Variants in SH3BP5 observed in about 807,000 individuals in gnomAD.
The protein encoded by SH3BP5 is SH3 domain binding protein 5.
A neutral mutation model predicts 43.3 loss-of-function variants in SH3BP5; 22 were observed. The observed-to-expected ratio is 0.51, with a 90% confidence interval of 0.36 to 0.73. The LOEUF is 0.73. Among genes scored for constraint, SH3BP5 ranks in the 30% least tolerant of loss-of-function variants. The probability of loss-of-function intolerance (pLI) is 0.00; values close to 1 mark genes in which losing one functional copy is unlikely to be tolerated. For missense variants in SH3BP5, 529 were observed against 586.9 expected (o/e 0.90, Z 1.02); for synonymous variants, 255 against 225.8 (o/e 1.13, Z -1.16).
At chr3:15,328,662 C>T (rs149300038) in intron 2 of SH3BP5, among the ~76,000 whole-genome samples, 243 of 152,214 alleles carry the variant, frequency 1.6e-3, no homozygotes, top group South Asian at 0.012. Flanking sequence ...GTTGCCTGAA[C>T]CCAGGAGTTT....
chr3:15,260,850 G>A (rs907099095), intron 5 of SH3BP5, among the ~76,000 whole-genome samples: 2 of 152,144 alleles, frequency 1.3e-5, no homozygotes, highest in Admixed American at 6.5e-5. Flanking sequence ...CCAAGACTAC[G>A]ATCTATCCCT....
At chr3:15,336,425 G>A (rs9812546), upstream of SH3BP5, among the ~76,000 whole-genome samples, 25,694 of 152,138 alleles carry the variant, frequency 0.17, 2,238 homozygotes, top group Middle Eastern at 0.31. Flanking sequence ...GCTAGTGTAT[G>A]AGAAATTGAC....
chr3:15,296,747 G>A (rs989330126), intron 3 of SH3BP5, among the ~76,000 whole-genome samples: 3 of 133,932 alleles, frequency 2.2e-5, no homozygotes, highest in Admixed American at 7.9e-5. Flanking sequence ...AGACTAGAGC[G>A]CAGTGGTGCG....
chr3:15,309,475 T>C (rs1697995169), intron 2 of SH3BP5, among the ~76,000 whole-genome samples: 1 of 152,312 alleles, frequency 6.6e-6, no homozygotes, highest in South Asian at 2.1e-4. Flanking sequence ...CTCAAACTCC[T>C]GGGCTCAAGG....
chr3:15,272,557 G>GGAGATTCGAT lies in SH3BP5; in HGVS notation c.331-2681_331-2680insATCGAATCTC, dbSNP rs1559432604. Among the ~76,000 whole-genome samples the GGAGATTCGAT allele has an allele frequency of 1.7e-3, 169 of 101,934 alleles. 11 individuals carry two copies. The highest frequency in any genetic ancestry group is 6.2e-3 in the East Asian group (23 of 3,696). The allele number at this position is 101,934 out of a possible 152,430, so 66.9% of individuals were successfully genotyped here. A position where few individuals can be genotyped will look rare whatever the true frequency, so the allele number is the denominator to read the frequency against. ...GACATTACAAAACAGAGTGCCTGTA[G>GGAGATTCGAT]GATAAAGACATTACAAAACAGAGTG... is the stretch of plus-strand genomic sequence containing the variant. On this transcript the variant is annotated intron_variant, in intron 3 of 8. Transcript: ENST00000383791.
rs763682905 is a variant in SH3BP5 at position 15,255,122 on chromosome 3, TA to T, written c.*963del. 4.6e-5 allele frequency: 7 copies of T among 152,658 alleles called. No homozygotes were observed. The highest frequency in any genetic ancestry group is 5.9e-5 in the Non-Finnish European group (4 of 68,032). The allele number at this position is 152,658 out of a possible 1,614,324, so 9.5% of individuals were successfully genotyped here. A position where few individuals can be genotyped will look rare whatever the true frequency, so the allele number is the denominator to read the frequency against. On this transcript the variant is annotated 3_prime_UTR_variant, in exon 9 of 9. Transcript: ENST00000383791. ...GTTAAAGAAAAGCAGTCTTAACACT[TA>T]ACTACTATTAACAGCCTTTGCCAAC...
chr3:15,336,314 A>G (rs1353124312), upstream of SH3BP5, among the ~76,000 whole-genome samples: 1 of 152,088 alleles, frequency 6.6e-6, no homozygotes, highest in East Asian at 1.9e-4. Context: ...AGGGAGGGAG[A>G]TGAAATCAGA....
At chr3:15,286,442 A>C (rs1380126273) in intron 3 of SH3BP5, among the ~76,000 whole-genome samples, 1 of 152,262 alleles carries the variant, frequency 6.6e-6, no homozygotes, top group Admixed American at 6.5e-5. Context: ...AATGGAACTG[A>C]GAATGAAAAA....
At chr3:15,328,905 T>C (rs1018997863) in intron 2 of SH3BP5, among the ~76,000 whole-genome samples, 1 of 152,198 alleles carries the variant, frequency 6.6e-6, no homozygotes, top group Non-Finnish European at 1.5e-5. Context: ...CAGTGGCAAC[T>C]GGACTGTTTA....
At chr3:15,291,689 G>C (rs1407589796) in intron 3 of SH3BP5, among the ~76,000 whole-genome samples, 1 of 152,102 alleles carries the variant, frequency 6.6e-6, no homozygotes, top group Non-Finnish European at 1.5e-5. Flanking sequence ...CATGTGCAGA[G>C]GTTCCCACAG....
chr3:15,323,139 TAA>T (rs1698375851), intron 2 of SH3BP5, among the ~76,000 whole-genome samples: 1 of 150,808 alleles, frequency 6.6e-6, no homozygotes, highest in Non-Finnish European at 1.5e-5. Flanking sequence ...AATAAATAAA[TAA>T]ATAAATAAAT....
intron 3 of SH3BP5, among the ~76,000 whole-genome samples, chr3:15,283,438 G>C (rs796294107): frequency 5.1e-4 from 77 of 151,942 alleles, no homozygotes; most frequent in African/African-American, 1.8e-3. Context: ...AATGAGGGGA[G>C]GTAAACAGTC....
Position 15,295,863 on chromosome 3 carries a change from A to T in SH3BP5, c.330+8240T>A, listed in dbSNP as rs187162088. Among the ~76,000 whole-genome samples, 297 of 152,364 alleles carry T rather than the reference A, an allele frequency of 1.9e-3. 1 individual carries two copies. Among genetic ancestry groups the T allele is most frequent in the Middle Eastern group, 3.4e-3 (1 of 294 alleles). ...AGCATCATCATGAGGCTAAGAGCCA[A>T]AGAAGTTTATAGTCACATCACCCAG... On this transcript the variant is annotated intron_variant, in intron 3 of 8. Transcript: ENST00000383791.
At position 15,254,852 on chromosome 3, in the gene SH3BP5, C is replaced by G. The variant is rs2125030963; in HGVS notation, c.*1234G>C. 1 of 152,198 alleles carries G rather than the reference C, an allele frequency of 6.6e-6. No individual in the cohort carries two copies. The highest frequency in any genetic ancestry group is 1.5e-5 in the Non-Finnish European group (1 of 68,016). 9.4% of individuals were successfully genotyped at this position (152,198 alleles called of 1,614,324 possible). On this transcript the variant is annotated 3_prime_UTR_variant, in exon 9 of 9. Transcript: ENST00000383791. ...TATTTGAAGTCACAGAAAGGAGAAA[C>G]TTTTCTCAAGCCGTTTTTATTACAC...
At chr3:15,304,498 A>G (rs1697843750) in intron 2 of SH3BP5, among the ~76,000 whole-genome samples, 1 of 152,200 alleles carries the variant, frequency 6.6e-6, no homozygotes, top group African/African-American at 2.4e-5. Context: ...GGTGTGACTG[A>G]GGAAAGGAGT....
At chr3:15,306,313 C>T (rs1013425074) in intron 2 of SH3BP5, among the ~76,000 whole-genome samples, 1 of 152,082 alleles carries the variant, frequency 6.6e-6, no homozygotes, top group Admixed American at 6.5e-5. Flanking sequence ...GAGCTAAGAT[C>T]GCGCCACTGC....
intron 4 of SH3BP5, among the ~76,000 whole-genome samples, chr3:15,263,906 T>A (rs1453019318): frequency 6.6e-6 from 1 of 152,198 alleles, no homozygotes; most frequent in Non-Finnish European, 1.5e-5. Flanking sequence ...AATTCTGTAT[T>A]CTCTGGGGAG....
intron 2 of SH3BP5, among the ~76,000 whole-genome samples, chr3:15,314,582 A>T (rs2125125540): frequency 6.6e-6 from 1 of 152,312 alleles, no homozygotes; most frequent in Admixed American, 6.5e-5. Flanking sequence ...AGAGGTAGAG[A>T]GCAGGGGTAT....
At chr3:15,312,655 G>T (rs1698087894) in intron 2 of SH3BP5, among the ~76,000 whole-genome samples, 1 of 152,156 alleles carries the variant, frequency 6.6e-6, no homozygotes, top group African/African-American at 2.4e-5. Context: ...CAGGGAGAAA[G>T]ACTCCATTTG....
Sources: allele counts gnomAD v4.1 joint callset (sites outside exome capture counted in the v4.1 genomes callset), GRCh38; gene constraint gnomAD v4.1.1; transcripts MANE v1.5; gene names NCBI Gene and HGNC (gene_info 2026-07-23, HGNC 2026-07-21).